LINGO2: variants seen among roughly 807,000 people sequenced by gnomAD.
LINGO2 encodes the protein leucine-rich repeat and immunoglobulin-like domain-containing nogo receptor-interacting protein 2.
Under a neutral mutation model 30.6 loss-of-function variants are expected in LINGO2, and 14 were observed. That is an observed-to-expected ratio of 0.46 (90% CI 0.30 to 0.72). The LOEUF is 0.72. LINGO2 is among the 30% of genes least tolerant of loss of function. The probability of loss-of-function intolerance (pLI) is 0.07; values close to 1 mark genes in which losing one functional copy is unlikely to be tolerated. For missense variants in LINGO2, 729 were observed against 751.7 expected, an observed-to-expected ratio of 0.97 and a Z score of 0.35; for synonymous variants, 317 against 288.5, an observed-to-expected ratio of 1.10 and a Z score of -1.00.
the LINGO2 span, among the ~76,000 whole-genome samples, chr9:28,992,987 T>C: frequency 6.6e-5 from 10 of 151,734 alleles, no homozygotes; most frequent in South Asian, 4.2e-4. Flanking sequence ...ATTCAAAAGC[T>C]AGCAGAAGGC....
chr9:28,439,180 T>C (rs530540603), intron 2 of LINGO2, among the ~76,000 whole-genome samples: 43 of 149,486 alleles, frequency 2.9e-4, no homozygotes, highest in African/African-American at 9.8e-4. Context: ...TTATAGATAA[T>C]GAAATATAGA....
At chr9:28,904,409 AGTT>A in the LINGO2 span, among the ~76,000 whole-genome samples, 1 of 152,080 alleles carries the variant, frequency 6.6e-6, no homozygotes, top group Non-Finnish European at 1.5e-5. Flanking sequence ...GGAAGGAAAA[AGTT>A]GTTGTTTTTG....
intron 4 of LINGO2, among the ~76,000 whole-genome samples, chr9:28,059,250 T>G (rs11792005): frequency 0.16 from 23,831 of 152,124 alleles, 2,155 homozygotes; most frequent in Middle Eastern, 0.21. Context: ...GTGCCTACCC[T>G]TTTGACCTCC....
chr9:28,785,906 C>T, the LINGO2 span, among the ~76,000 whole-genome samples: 5 of 152,284 alleles, frequency 3.3e-5, no homozygotes, highest in East Asian at 9.7e-4. Flanking sequence ...ACAAAATGTA[C>T]ACTAAATTCA....
the LINGO2 span, among the ~76,000 whole-genome samples, chr9:29,028,417 T>TG: frequency 3.6e-4 from 6 of 16,878 alleles, no homozygotes; most frequent in South Asian, 0.014. Context: ...GTGGGTAGTG[T>TG]GTGGGGGGGG....
chr9:28,111,683 G>T (rs963196115), intron 4 of LINGO2, among the ~76,000 whole-genome samples: 1 of 152,034 alleles, frequency 6.6e-6, no homozygotes, highest in Non-Finnish European at 1.5e-5. Context: ...AAAGATAATT[G>T]TAGTACAATA....
At chr9:28,856,772 C>T in the LINGO2 span, among the ~76,000 whole-genome samples, 2 of 151,920 alleles carry the variant, frequency 1.3e-5, no homozygotes, top group Non-Finnish European at 2.9e-5. Flanking sequence ...ATCAGATTGA[C>T]ACCTAAATAA....
At chr9:28,646,617 C>G (rs892451717) in intron 1 of LINGO2, among the ~76,000 whole-genome samples, 3 of 151,960 alleles carry the variant, frequency 2.0e-5, no homozygotes, top group Non-Finnish European at 2.9e-5. Context: ...GGGAAACACT[C>G]TTTTTTCAAG....
chr9:28,392,606 C>T (rs1188965012), intron 2 of LINGO2, among the ~76,000 whole-genome samples: 1 of 152,206 alleles, frequency 6.6e-6, no homozygotes, highest in Non-Finnish European at 1.5e-5. Flanking sequence ...TTCATCAACT[C>T]TCTTCTCTCC....
At chr9:28,662,911 C>G (rs758607316) in intron 1 of LINGO2, among the ~76,000 whole-genome samples, 27 of 152,060 alleles carry the variant, frequency 1.8e-4, no homozygotes, top group Non-Finnish European at 2.9e-4. Flanking sequence ...ATGAGCCTTT[C>G]CTTGGGAAAA....
intron 5 of LINGO2, among the ~76,000 whole-genome samples, chr9:27,968,448 A>C (rs1318472110): frequency 1.3e-5 from 2 of 152,052 alleles, no homozygotes; most frequent in African/African-American, 4.8e-5. Context: ...AAGTGAAAAA[A>C]TAAATTTATA....
intron 1 of LINGO2, among the ~76,000 whole-genome samples, chr9:28,653,252 G>A (rs1455329806): frequency 6.6e-6 from 1 of 152,070 alleles, no homozygotes; most frequent in African/African-American, 2.4e-5. Context: ...GGATTTCTAG[G>A]CAGATGAAAG....
chr9:28,320,023 A>T (rs73645641), intron 3 of LINGO2, among the ~76,000 whole-genome samples: 2,021 of 152,220 alleles, frequency 0.013, 36 homozygotes, highest in African/African-American at 0.046. Context: ...ACTGATTTCA[A>T]ACATTTTGTC....
intron 1 of LINGO2, among the ~76,000 whole-genome samples, chr9:28,583,775 T>C (rs570694554): frequency 6.6e-6 from 1 of 152,226 alleles, no homozygotes; most frequent in East Asian, 1.9e-4. Flanking sequence ...CAGTAGTTGA[T>C]GCTGACATGG....
At chr9:28,221,520 A>T (rs1274906356) in intron 4 of LINGO2, among the ~76,000 whole-genome samples, 5 of 152,106 alleles carry the variant, frequency 3.3e-5, no homozygotes, top group Admixed American at 2.0e-4. Context: ...ATCCGATTTA[A>T]AAAAAGCATA....
At chr9:28,422,732 G>A (rs1046735539) in intron 2 of LINGO2, among the ~76,000 whole-genome samples, 4 of 152,040 alleles carry the variant, frequency 2.6e-5, no homozygotes, top group African/African-American at 9.7e-5. Context: ...TATGTTTATA[G>A]CAGTATTATT....
At chr9:28,040,034 GGT>G (rs1824125876) in intron 4 of LINGO2, among the ~76,000 whole-genome samples, 2 of 152,062 alleles carry the variant, frequency 1.3e-5, no homozygotes, top group South Asian at 4.1e-4. Flanking sequence ...CATGAGATAA[GGT>G]GAACTATTTT....
At chr9:28,519,294 C>A (rs1305312493) in intron 1 of LINGO2, among the ~76,000 whole-genome samples, 2 of 152,106 alleles carry the variant, frequency 1.3e-5, no homozygotes, top group African/African-American at 4.8e-5. Flanking sequence ...CTCTGACTCC[C>A]AAAGTGCTGG....
At chr9:28,399,803 A>G (rs1400466303) in intron 2 of LINGO2, among the ~76,000 whole-genome samples, 1 of 152,152 alleles carries the variant, frequency 6.6e-6, no homozygotes, top group African/African-American at 2.4e-5. Context: ...CAGATGTTTA[A>G]TGTTCATTCT....
Sources: gnomAD v4.1 joint callset for allele counts (sites outside exome capture counted in the v4.1 genomes callset) on GRCh38, gnomAD v4.1.1 for gene constraint, MANE v1.5 for transcripts, NCBI Gene and HGNC (gene_info 2026-07-23, HGNC 2026-07-21) for gene names.